Variants in CSMD2 observed in about 807,000 individuals in gnomAD.
CSMD2 encodes the protein CUB and sushi domain-containing protein 2.
A neutral mutation model predicts 398.5 loss-of-function variants in CSMD2; 130 were observed. The ratio of observed to expected loss-of-function variants is 0.33; its 90% CI spans 0.28 to 0.38. CSMD2 has a LOEUF of 0.38. Ranked by LOEUF, CSMD2 falls within the 10% of genes least tolerant of loss-of-function variation. The probability of loss-of-function intolerance (pLI) is 1.00; values close to 1 mark genes in which losing one functional copy is unlikely to be tolerated. For synonymous variants in CSMD2, 1,828 were observed against 1,908.5 expected (o/e 0.96, Z 1.10); for missense variants, 3,829 against 4,764.9 (o/e 0.80, Z 5.78).
chr1:33,526,345 C>T (rs1485662799), intron 65 of CSMD2, among the ~76,000 whole-genome samples: 4 of 152,160 alleles, frequency 2.6e-5, no homozygotes, highest in Admixed American at 2.6e-4. Context: ...TGTCACTTAT[C>T]AGTTGTCTGA....
chr1:33,852,577 T>A (rs1186898481), intron 5 of CSMD2, among the ~76,000 whole-genome samples: 4 of 152,234 alleles, frequency 2.6e-5, no homozygotes, highest in African/African-American at 9.6e-5. Flanking sequence ...ATATTTCCTT[T>A]CCTCTATCTC....
At chr1:33,826,854 C>T (rs1428802603) in intron 6 of CSMD2, among the ~76,000 whole-genome samples, 1 of 152,210 alleles carries the variant, frequency 6.6e-6, no homozygotes, top group Non-Finnish European at 1.5e-5. Context: ...ACGGTGCCAT[C>T]TTCCAGCTGG....
chr1:34,081,544 G>A (rs1012368334), intron 2 of CSMD2, among the ~76,000 whole-genome samples: 5 of 152,136 alleles, frequency 3.3e-5, no homozygotes, highest in Admixed American at 1.3e-4. Context: ...TCGGCCTGCC[G>A]AGTGCCTGGG....
At chr1:33,524,742 AAT>A in intron 66 of CSMD2, 138 bp downstream of exon 66, 1 of 760,020 alleles carries the variant, frequency 1.3e-6, no homozygotes, top group Non-Finnish European at 2.1e-6. Context: ...TGTAAAGATG[AAT>A]AGACACTTCC....
chr1:33,708,799 G>A (rs748475280), intron 22 of CSMD2, among the ~76,000 whole-genome samples: 6 of 151,874 alleles, frequency 4.0e-5, no homozygotes, highest in Admixed American at 1.3e-4. Flanking sequence ...ATGGGGCTTT[G>A]CCATGTTCCC....
At chr1:33,746,373 G>A (rs1038236375) in intron 13 of CSMD2, among the ~76,000 whole-genome samples, 4 of 152,222 alleles carry the variant, frequency 2.6e-5, no homozygotes, top group Non-Finnish European at 5.9e-5. Context: ...AGGTGCTAAA[G>A]TTTCAGAGGG....
intron 25 of CSMD2, among the ~76,000 whole-genome samples, chr1:33,685,414 T>C (rs1337473903): frequency 1.3e-5 from 2 of 152,282 alleles, no homozygotes; most frequent in African/African-American, 2.4e-5. Context: ...TTCTTATTTA[T>C]ATTTATACCC....
At position 33,833,854 on chromosome 1, in the gene CSMD2, T is replaced by C. The variant is rs1205353824; in HGVS notation, c.1034-8080A>G. ...AATCACAAGCATTCTTATACACTAATAACAGACAAACAGAGAGCCAAATCA... is the reference window on the plus strand; with the variant it reads ...AATCACAAGCATTCTTATACACTAACAACAGACAAACAGAGAGCCAAATCA... On this transcript the variant is annotated intron_variant, in intron 6 of 70. Transcript: ENST00000373381. Among the ~76,000 whole-genome samples, 774 of 151,086 alleles carry C rather than the reference T, an allele frequency of 5.1e-3. 3 individuals are homozygous for C. The highest frequency in any genetic ancestry group is 7.6e-3 in the Non-Finnish European group (510 of 67,440).
chr1:33,603,273 A>G (rs1187658914), intron 42 of CSMD2, among the ~76,000 whole-genome samples: 1 of 152,148 alleles, frequency 6.6e-6, no homozygotes, highest in Non-Finnish European at 1.5e-5. Context: ...GCAATACTCA[A>G]TTTTAGTCTC....
chr1:33,677,109 T>C (rs1304851387), intron 25 of CSMD2, among the ~76,000 whole-genome samples: 2 of 151,970 alleles, frequency 1.3e-5, no homozygotes, highest in Non-Finnish European at 2.9e-5. Context: ...AATTGACAAA[T>C]GGGATCTAAT....
intron 27 of CSMD2, among the ~76,000 whole-genome samples, chr1:33,657,539 C>T (rs967686857): frequency 1.3e-5 from 2 of 152,178 alleles, no homozygotes; most frequent in African/African-American, 4.8e-5. Flanking sequence ...AAGCAAGGTT[C>T]TTTTCTTTAC....
intron 22 of CSMD2, among the ~76,000 whole-genome samples, chr1:33,701,730 A>G (rs1645618363): frequency 6.6e-6 from 1 of 152,254 alleles, no homozygotes; most frequent in South Asian, 2.1e-4. Flanking sequence ...TATCACTGAT[A>G]GACTGAGTGA....
rs565977826 is a variant in CSMD2 at position 34,039,760 on chromosome 1, T to C, written c.405-7054A>G. ...TTAGGATTGCCTAGTTTGAATAATT[T>C]CAGAGGGCACCAGGGTATGTGGACC... is the stretch of plus-strand genomic sequence containing the variant. On this transcript the variant is annotated intron_variant, in intron 2 of 70. Transcript: ENST00000373381. Among the ~76,000 whole-genome samples, 3 of 152,284 alleles carry C rather than the reference T, an allele frequency of 2.0e-5. No homozygotes were observed. The South Asian group carries it at 6.2e-4, about 32-fold the overall frequency.
At chr1:33,876,027 C>T (rs371376727) in intron 5 of CSMD2, among the ~76,000 whole-genome samples, 1 of 152,116 alleles carries the variant, frequency 6.6e-6, no homozygotes. Context: ...AAAGGCCTTA[C>T]TGATAGTGCC....
At chr1:34,058,686 C>T (rs1654131784) in intron 2 of CSMD2, among the ~76,000 whole-genome samples, 1 of 152,118 alleles carries the variant, frequency 6.6e-6, no homozygotes, top group Admixed American at 6.5e-5. Context: ...GGTCTGAGTG[C>T]CCACTGGGCT....
At chr1:33,558,553 GAGTCTC>G (rs2148655434) in intron 54 of CSMD2, among the ~76,000 whole-genome samples, 1 of 152,194 alleles carries the variant, frequency 6.6e-6, no homozygotes, top group South Asian at 2.1e-4. Flanking sequence ...TATCTTACCT[GAGTCTC>G]AAACTTATCA....
At position 34,131,079 on chromosome 1, in the gene CSMD2, T is replaced by C. The variant is rs189831058; in HGVS notation, c.187+33832A>G. On this transcript the variant is annotated intron_variant, in intron 1 of 70. Transcript: ENST00000373381. ...CCGTACCCTTCCCTGCTCTTGTTTC[T>C]CCACCTCCCACCTCACCAAGCAATG... Among the ~76,000 whole-genome samples, 269 of 152,338 alleles carry C rather than the reference T, an allele frequency of 1.8e-3. 1 individual carries two copies. The highest frequency in any genetic ancestry group is 6.1e-3 in the African/African-American group (253 of 41,572).
At chr1:33,779,577 C>T (rs1652436341) in intron 12 of CSMD2, among the ~76,000 whole-genome samples, 1 of 152,208 alleles carries the variant, frequency 6.6e-6, no homozygotes, top group Admixed American at 6.5e-5. Flanking sequence ...AACGTGGCAC[C>T]TGCCATCCTC....
At chr1:34,064,160 TAG>T (rs1404668851) in intron 2 of CSMD2, among the ~76,000 whole-genome samples, 2 of 152,210 alleles carry the variant, frequency 1.3e-5, no homozygotes, top group African/African-American at 4.8e-5. Flanking sequence ...TGACATGGCC[TAG>T]AGACATTTTT....
Sources: allele counts gnomAD v4.1 joint callset (sites outside exome capture counted in the v4.1 genomes callset), GRCh38; gene constraint gnomAD v4.1.1; transcripts MANE v1.5; gene names NCBI Gene and HGNC (gene_info 2026-07-23, HGNC 2026-07-21).